Variants in ATP8A2 observed in about 807,000 individuals in gnomAD.
The protein encoded by ATP8A2 is phospholipid-transporting ATPase IB.
ATP8A2 carries 100 observed loss-of-function variants against 165.6 expected under a neutral mutation model. The observed-to-expected ratio is 0.60, with a 90% CI of 0.51 to 0.71. ATP8A2 has a LOEUF of 0.71. Among genes scored for constraint, ATP8A2 ranks in the 30% least tolerant of loss-of-function variants. The pLI is 0.00. For synonymous variants in ATP8A2, 543 were observed against 548.8 expected (o/e 0.99, Z 0.15); for missense variants, 1,227 against 1,479.5 (o/e 0.83, Z 2.80).
At position 25,558,954 on chromosome 13, in the gene ATP8A2, C is replaced by G. The variant is rs780226165; in HGVS notation, c.1264-19C>G. 6.6e-7 allele frequency: 1 copy of G among 1,522,768 alleles called. No homozygotes were observed. The highest frequency in any genetic ancestry group is 1.2e-5 in the South Asian group (1 of 85,678). 94.3% of individuals were successfully genotyped at this position (1,522,768 alleles called of 1,614,324 possible). The stretch of plus-strand genomic sequence containing the variant: ...TCTCAATACTTCCTGATGTATATTT[C>G]TTTTATTCTTTGGTTTAGGTGAAAT... On this transcript the variant is annotated intron_variant, in intron 13 of 36. Coordinates refer to ENST00000381655, the MANE Select transcript of ATP8A2 (RefSeq NM_016529.6).
At chr13:25,678,516 T>C (rs879506398) in intron 24 of ATP8A2, among the ~76,000 whole-genome samples, 2 of 152,130 alleles carry the variant, frequency 1.3e-5, no homozygotes, top group Non-Finnish European at 2.9e-5. Flanking sequence ...CCTGTGGCCC[T>C]GAGAGTGTGC....
chr13:25,867,740 C>T (rs1033054154), intron 33 of ATP8A2, among the ~76,000 whole-genome samples: 6 of 152,068 alleles, frequency 3.9e-5, no homozygotes, highest in Admixed American at 1.3e-4. Context: ...AGGATAGCAG[C>T]GAGTTTGCTC....
rs567337042 is a variant in ATP8A2 at position 25,658,725 on chromosome 13, C to T, written c.2212-40448C>T. ...ATCAAGAGATTCAGTCACAGATTTG[C>T]CTCTGCTTTCAGACACTGCCAAATC... On this transcript the variant is annotated intron_variant, in intron 24 of 36. Transcript: ENST00000381655. Among the ~76,000 whole-genome samples the T allele has an allele frequency of 9.2e-5, 14 of 152,284 alleles. No homozygotes were observed. In the South Asian group the frequency reaches 2.9e-3, roughly 32 times the overall value.
intron 33 of ATP8A2, among the ~76,000 whole-genome samples, chr13:25,913,252 G>A (rs1434370534): frequency 6.6e-6 from 1 of 152,200 alleles, no homozygotes; most frequent in Admixed American, 6.5e-5. Context: ...AGGATGCTGC[G>A]TTGGCAGTTC....
At position 25,577,148 on chromosome 13, in the gene ATP8A2, G is replaced by A. The variant is rs202155859; in HGVS notation, c.1782+10G>A. The A allele has an allele frequency of 4.6e-5, 74 of 1,612,526 alleles. No individual in the cohort carries two copies. In the East Asian group the frequency reaches 1.0e-3, roughly 22 times the overall value. ...TTACTGTAAAGGGGCTGTAAGTACC[G>A]GAGAAGCGTTGTGCGTAGCGGAGTT... is the stretch of plus-strand genomic sequence containing the variant. On this transcript the variant is annotated intron_variant, in intron 20 of 36. Coordinates refer to ENST00000381655, the MANE Select transcript of ATP8A2 (RefSeq NM_016529.6).
chr13:25,622,691 A>T (rs550144971), intron 24 of ATP8A2, among the ~76,000 whole-genome samples: 17 of 152,266 alleles, frequency 1.1e-4, no homozygotes, highest in African/African-American at 4.1e-4. Context: ...CACAACACAT[A>T]GTTTCTTCAG....
intron 25 of ATP8A2, among the ~76,000 whole-genome samples, chr13:25,737,864 T>A (rs1257657010): frequency 1.3e-5 from 2 of 152,126 alleles, no homozygotes; most frequent in Non-Finnish European, 2.9e-5. Context: ...TTTTGTATTT[T>A]TAGCAGAGAC....
At chr13:25,846,634 G>A (rs191317958) in intron 30 of ATP8A2, among the ~76,000 whole-genome samples, 85 of 152,290 alleles carry the variant, frequency 5.6e-4, no homozygotes, top group Admixed American at 2.4e-3. Context: ...TGAGCCTTTT[G>A]GAGGATAAGT....
At chr13:25,800,139 G>A (rs551875246) in intron 27 of ATP8A2, among the ~76,000 whole-genome samples, 51 of 152,314 alleles carry the variant, frequency 3.3e-4, no homozygotes, top group African/African-American at 1.2e-3. Context: ...AGGAAGCCAA[G>A]GCACCCAGAG....
chr13:25,652,718 C>T (rs17082599), intron 24 of ATP8A2, among the ~76,000 whole-genome samples: 2 of 152,136 alleles, frequency 1.3e-5, no homozygotes, highest in African/African-American at 2.4e-5. Context: ...CTAACTGGCT[C>T]TTATTGGTGC....
chr13:25,464,549 C>T (rs549005140), intron 1 of ATP8A2, among the ~76,000 whole-genome samples: 22 of 152,086 alleles, frequency 1.4e-4, no homozygotes, highest in Non-Finnish European at 7.4e-5. Context: ...AATAGGTCAG[C>T]CATATGCAGA....
At chr13:25,375,182 A>T (rs2032573774) in intron 1 of ATP8A2, among the ~76,000 whole-genome samples, 1 of 152,158 alleles carries the variant, frequency 6.6e-6, no homozygotes, top group Non-Finnish European at 1.5e-5. Flanking sequence ...AGCCCCTTAG[A>T]ATGGAAACAA....
chr13:25,376,622 C>T (rs530071836), intron 1 of ATP8A2, among the ~76,000 whole-genome samples: 1 of 152,342 alleles, frequency 6.6e-6, no homozygotes, highest in South Asian at 2.1e-4. Flanking sequence ...CATATAAGTG[C>T]ATGCACTAAC....
At chr13:25,886,052 G>A (rs1566237083) in intron 33 of ATP8A2, among the ~76,000 whole-genome samples, 2 of 152,236 alleles carry the variant, frequency 1.3e-5, no homozygotes, top group South Asian at 2.1e-4. Context: ...TTGTACTTCT[G>A]CTGATGCTCC....
intron 25 of ATP8A2, among the ~76,000 whole-genome samples, chr13:25,766,559 C>T (rs558727084): frequency 4.1e-4 from 62 of 152,272 alleles, no homozygotes; most frequent in Middle Eastern, 3.4e-3. Flanking sequence ...TTTCACAAGG[C>T]ATTTGCTTTT....
At chr13:25,812,008 A>AG (rs1417568541) in intron 27 of ATP8A2, among the ~76,000 whole-genome samples, 1 of 152,134 alleles carries the variant, frequency 6.6e-6, no homozygotes, top group African/African-American at 2.4e-5. Context: ...TCTACATTAC[A>AG]GCTTTGCCTC....
chr13:25,387,234 A>C (rs1192067657), intron 1 of ATP8A2, among the ~76,000 whole-genome samples: 4 of 152,180 alleles, frequency 2.6e-5, no homozygotes, highest in Admixed American at 2.6e-4. Context: ...TGGATGCTTT[A>C]GCAGGAGTTT....
intron 11 of ATP8A2, 45 bp downstream of exon 11, chr13:25,551,548 T>G: frequency 6.4e-7 from 1 of 1,553,016 alleles, no homozygotes; most frequent in African/African-American, 1.4e-5. Flanking sequence ...AGAAAACCAT[T>G]TTTGAGATGT....
chr13:25,450,822 C>A (rs1046550224), intron 1 of ATP8A2, among the ~76,000 whole-genome samples: 1 of 151,982 alleles, frequency 6.6e-6, no homozygotes, highest in African/African-American at 2.4e-5. Context: ...TGAGCCACCG[C>A]GCCCAGCCCT....
Sources: allele counts gnomAD v4.1 joint callset (sites outside exome capture counted in the v4.1 genomes callset), GRCh38; gene constraint gnomAD v4.1.1; transcripts MANE v1.5; gene names NCBI Gene and HGNC (gene_info 2026-07-23, HGNC 2026-07-21).